Variants in EIF4G2 observed in about 807,000 individuals in gnomAD.
EIF4G2 encodes the protein eukaryotic translation initiation factor 4 gamma 2.
In EIF4G2, 8 loss-of-function variants were observed where a neutral mutation model predicts 117.7. The observed-to-expected ratio is 0.07, with a 90% CI of 0.04 to 0.12. The LOEUF is 0.12. Among genes scored for constraint, EIF4G2 ranks in the 10% least tolerant of loss-of-function variants. The pLI is 1.00. For missense variants in EIF4G2, 812 were observed against 1,086.2 expected (o/e 0.75, Z 3.55); for synonymous variants, 413 against 367.8 (o/e 1.12, Z -1.41).
In EIF4G2 at chr11:10,803,726, T is replaced by A; in HGVS notation, c.703-136A>T. On this transcript the variant is annotated intron_variant, in intron 8 of 21. Coordinates refer to ENST00000339995, the MANE Select transcript of EIF4G2 (RefSeq NM_001418.4). The surrounding 1 kb of genome is among the most constrained non-coding windows in gnomAD (Gnocchi z 4.0). Reference sequence around the variant, plus strand: ...AGTATAGGGCTTTCTACCAGTCTGGTTGATCAGTTCTAACTCTACTTTGTC... The same window carrying A: ...AGTATAGGGCTTTCTACCAGTCTGGATGATCAGTTCTAACTCTACTTTGTC... 7.1e-6 allele frequency: 8 copies of A among 1,122,704 alleles called. No individual in the cohort carries two copies. Among genetic ancestry groups the A allele is most frequent in the Non-Finnish European group, 1.0e-5 (8 of 780,996 alleles). The allele number at this position is 1,122,704 out of a possible 1,614,324, so 69.5% of individuals were successfully genotyped here.
At position 10,799,391 on chromosome 11, in the gene EIF4G2, G is replaced by A. The variant is rs1847355769; in HGVS notation, c.2358C>T (p.Pro786=). Reference sequence around the variant, plus strand: ...AGGATGAATCTGTTTCATCGCTGGGGGGGTTTACTTCACTAGAAATGTACT... The same window carrying A: ...AGGATGAATCTGTTTCATCGCTGGGAGGGTTTACTTCACTAGAAATGTACT... The change falls in exon 20 of 22, where the codon CCC becomes CCT. Residue 786 remains proline, a synonymous_variant. Coordinates refer to ENST00000339995, the MANE Select transcript of EIF4G2 (RefSeq NM_001418.4). 6.2e-7 allele frequency: 1 copy of A among 1,611,958 alleles called. No individual in the cohort carries two copies. The highest frequency in any genetic ancestry group is 1.1e-5 in the South Asian group (1 of 91,084).
chr11:10,802,253 G>T (rs1336128901), intron 12 of EIF4G2, 41 bp downstream of exon 12: 4 of 1,611,308 alleles, frequency 2.5e-6, no homozygotes, highest in Non-Finnish European at 3.4e-6. Context: ...AAAGTTAACT[G>T]ATTTTTCAGC....
intron 3 of EIF4G2, 100 bp from the exon 4 acceptor site, chr11:10,806,147 C>G (rs1238228746): frequency 6.6e-7 from 1 of 1,515,608 alleles, no homozygotes; most frequent in Non-Finnish European, 8.9e-7. Context: ...GCTTTCTCGA[C>G]TTCCCCTCCA....
Position 10,801,472 on chromosome 11 carries a change from C to G in EIF4G2, c.1413+189G>C, listed in dbSNP as rs755815140. 5.3e-6 allele frequency: 4 copies of G among 748,070 alleles called. No homozygotes were observed. The Admixed American group carries it at 7.6e-5, about 14-fold the overall frequency. The allele number at this position is 748,070 out of a possible 1,614,324, so 46.3% of individuals were successfully genotyped here. A position where few individuals can be genotyped will look rare whatever the true frequency, so the allele number is the denominator to read the frequency against. On this transcript the variant is annotated intron_variant, in intron 14 of 21. Coordinates refer to ENST00000339995, the MANE Select transcript of EIF4G2 (RefSeq NM_001418.4). ...TCTAACAGACTTTAGGAGACTTGCC[C>G]TCATATCTCATAATCTTCGCTCACA... is the stretch of plus-strand genomic sequence containing the variant.
intron 5 of EIF4G2, 177 bp from the exon 6 acceptor site, chr11:10,804,595 A>G: frequency 1.3e-6 from 1 of 769,008 alleles, no homozygotes; most frequent in Non-Finnish European, 2.0e-6. Context: ...TGGATATCAA[A>G]ACTTTCAAGT....
chr11:10,806,497 A>C (rs954397011), intron 3 of EIF4G2: 1 of 342,492 alleles, frequency 2.9e-6, no homozygotes, highest in African/African-American at 2.1e-5. Flanking sequence ...AACACTTTCT[A>C]ATGTTTTATT....
In EIF4G2 at chr11:10,797,942, A is replaced by C; in HGVS notation, c.2659-61T>G. The C allele has an allele frequency of 6.6e-7, 1 of 1,507,236 alleles. No individual in the cohort carries two copies. The highest frequency in any genetic ancestry group is 9.2e-7 in the Non-Finnish European group (1 of 1,089,370). The allele number at this position is 1,507,236 out of a possible 1,614,324, so 93.4% of individuals were successfully genotyped here. A position where few individuals can be genotyped will look rare whatever the true frequency, so the allele number is the denominator to read the frequency against. ...GATATAAACAGAAATCCATCCAAAA[A>C]GTTTTAGGTGGTACTACACAGTTTT... On this transcript the variant is annotated intron_variant, in intron 21 of 21. Coordinates refer to ENST00000339995, the MANE Select transcript of EIF4G2 (RefSeq NM_001418.4). The surrounding 1 kb of genome is among the most constrained non-coding windows in gnomAD (Gnocchi z 4.5).
rs1847440670 is a variant in EIF4G2, at chr11:10,802,141, A to C, written c.1207T>G (p.Ser403Ala). The change falls in exon 13 of 22, where the codon TCA becomes GCA. Residue 403 changes from serine to alanine, a missense_variant. Around this residue, in one of 4 missense-constraint regions of EIF4G2, gnomAD observed 571 missense variants for 642.3 expected, o/e 0.89. Coordinates refer to ENST00000339995, the MANE Select transcript of EIF4G2 (RefSeq NM_001418.4). ...CCATGGCCATTGAAGAGTTGATTTG[A>C]ACGATGACGTCCCATGGTGGGTGAA... 7 of 1,524,130 alleles carry C rather than the reference A, an allele frequency of 4.6e-6. No homozygotes were observed. In the East Asian group the frequency reaches 1.7e-4, roughly 37 times the overall value. 94.4% of individuals were successfully genotyped at this position (1,524,130 alleles called of 1,614,324 possible).
In EIF4G2 at chr11:10,800,542, T is replaced by C; in HGVS notation, c.1750A>G (p.Lys584Glu). 1 of 1,614,204 alleles carries C rather than the reference T, an allele frequency of 6.2e-7. No individual in the cohort carries two copies. Among genetic ancestry groups the C allele is most frequent in the Non-Finnish European group, 8.5e-7 (1 of 1,180,030 alleles). Residue 584 changes from lysine to glutamate, a missense_variant, in exon 17 of 22, where the codon AAA (lysine) becomes GAA (glutamate). Lys to Glu is a moderately conservative substitution (Grantham distance 56). Coordinates refer to ENST00000339995, the MANE Select transcript of EIF4G2 (RefSeq NM_001418.4). ...CTATCTAGTGACAGGATGATTACTT[T>C]GCTTAACATCTCAGGAAGAAAGTGT...
intron 14 of EIF4G2, 147 bp from the exon 15 acceptor site, chr11:10,801,234 G>C: frequency 1.6e-6 from 2 of 1,234,766 alleles, no homozygotes; most frequent in South Asian, 3.2e-5. Flanking sequence ...CACATTAACA[G>C]GTTTAATTTT....
Position 10,799,314 on chromosome 11 carries a change from A to G in EIF4G2, c.2435T>C (p.Phe812Ser). 1 of 1,614,088 alleles carries G rather than the reference A, an allele frequency of 6.2e-7. No homozygotes were observed. The change falls in exon 20 of 22, where the codon TTC (phenylalanine) becomes TCC (serine). Residue 812 changes from phenylalanine (F) to serine (S), a missense_variant. Physicochemically the swap from Phe to Ser is radical, Grantham distance 155. Coordinates refer to ENST00000339995, the MANE Select transcript of EIF4G2 (RefSeq NM_001418.4). ...AAGAAATTTCTGCATTACTGGCTTGAAAGATAGTAGTAGTTGTTTTTCCTG... is the reference window on the plus strand; with the variant it reads ...AAGAAATTTCTGCATTACTGGCTTGGAAGATAGTAGTAGTTGTTTTTCCTG...
In EIF4G2 at chr11:10,803,235, T is replaced by G; in HGVS notation, c.873A>C (p.Pro291=). 1 of 1,614,102 alleles carries G rather than the reference T, an allele frequency of 6.2e-7. No homozygotes were observed. Among genetic ancestry groups the G allele is most frequent in the Non-Finnish European group, 8.5e-7 (1 of 1,180,002 alleles). Residue 291 remains proline (P), a synonymous_variant, in exon 10 of 22, where the codon CCA becomes CCC. Coordinates refer to ENST00000339995, the MANE Select transcript of EIF4G2 (RefSeq NM_001418.4). The surrounding 1 kb of genome is among the most constrained non-coding windows in gnomAD (Gnocchi z 4.0). ...CCTGCAGCAGGAAACGAATCCTTGC[T>G]GGCAATTCCTTACTTAACATCAAGG... is the stretch of plus-strand genomic sequence containing the variant.
chr11:10,806,047 G>C lies in EIF4G2; in HGVS notation c.108C>G (p.Ser36Arg), dbSNP rs1179661436. Residue 36 changes from serine to arginine, a missense_variant and splice_region_variant, in exon 4 of 22, where the codon AGC becomes AGG. By Grantham distance (110) the Ser-to-Arg change is moderately radical. Coordinates refer to ENST00000339995, the MANE Select transcript of EIF4G2 (RefSeq NM_001418.4). ...GCCCTGGGGTTTTCCCCAGGAACTC[G>C]CTGATTAATAAAAATCAGCAAAAAC... is the stretch of plus-strand genomic sequence containing the variant. 2 of 1,614,048 alleles carry C rather than the reference G, an allele frequency of 1.2e-6. No individual in the cohort carries two copies. The highest frequency in any genetic ancestry group is 1.7e-6 in the Non-Finnish European group (2 of 1,180,028).
chr11:10,801,550 G>T, intron 14 of EIF4G2, 111 bp downstream of exon 14: 5 of 982,952 alleles, frequency 5.1e-6, no homozygotes, highest in Non-Finnish European at 8.2e-6. Context: ...AGAGAAAAAC[G>T]TCAAGAACTC....
rs1461668253 is a variant in EIF4G2, at chr11:10,797,148, A to AAT, written c.*666_*667dup. The AAT allele has an allele frequency of 1.3e-5, 2 of 152,680 alleles. No individual in the cohort carries two copies. The highest frequency in any genetic ancestry group is 2.9e-5 in the Non-Finnish European group (2 of 68,080). 9.5% of individuals were successfully genotyped at this position (152,680 alleles called of 1,614,324 possible). A position where few individuals can be genotyped will look rare whatever the true frequency, so the allele number is the denominator to read the frequency against. ...TAAGTAGACTTAATTTCAATACTATAATAGGAGGGACCAATTCAAATTCTC... is the reference window on the plus strand; with the variant it reads ...TAAGTAGACTTAATTTCAATACTATAATATAGGAGGGACCAATTCAAATTCTC... On this transcript the variant is annotated 3_prime_UTR_variant, in exon 22 of 22. Transcript: ENST00000339995. The surrounding 1 kb of genome is among the most constrained non-coding windows in gnomAD (Gnocchi z 4.5).
At position 10,799,229 on chromosome 11, in the gene EIF4G2, G is replaced by T. The variant is rs1172616532; in HGVS notation, c.2520C>A (p.Asn840Lys). 6.2e-7 allele frequency: 1 copy of T among 1,614,112 alleles called. No homozygotes were observed. The highest frequency in any genetic ancestry group is 8.5e-7 in the Non-Finnish European group (1 of 1,180,022). ...TCCTCTCACCTTTTGGGAAGTTGCT[G>T]TTATAGCAGTGCACCTGGAGAGCAT... Residue 840 changes from asparagine to lysine, a missense_variant, in exon 20 of 22, where the codon AAC becomes AAA. Asn to Lys is a moderately conservative substitution (Grantham distance 94). This residue lies in a region of EIF4G2 where 571 missense variants were observed against 642.3 expected (regional missense o/e 0.89). Coordinates refer to ENST00000339995, the MANE Select transcript of EIF4G2 (RefSeq NM_001418.4).
chr11:10,800,934 G>A (rs1770947258), intron 15 of EIF4G2, 28 bp downstream of exon 15: 3 of 1,612,790 alleles, frequency 1.9e-6, no homozygotes, highest in Non-Finnish European at 2.5e-6. Flanking sequence ...GATATCTTTA[G>A]AAAATGCTGT....
chr11:10,804,027 G>A lies in EIF4G2; in HGVS notation c.574C>T (p.Leu192Phe). 1 of 1,613,984 alleles carries A rather than the reference G, an allele frequency of 6.2e-7. No individual in the cohort carries two copies. Among genetic ancestry groups the A allele is most frequent in the Non-Finnish European group, 8.5e-7 (1 of 1,179,974 alleles). ...CTCTGTTCCTCCTCCTCGGGGAGGA[G>A]GGGATTTTCACGCTTATCATAGACT... The change falls in exon 8 of 22, where the codon CTC becomes TTC. Residue 192 changes from leucine (L) to phenylalanine (F), a missense_variant. Leu to Phe is a conservative substitution (Grantham distance 22, BLOSUM62 0). Transcript: ENST00000339995.
chr11:10,804,019 G>C lies in EIF4G2; in HGVS notation c.582C>G (p.Pro194=), dbSNP rs542126224. 1.2e-6 allele frequency: 2 copies of C among 1,613,806 alleles called. No individual in the cohort carries two copies. Among genetic ancestry groups the C allele is most frequent in the African/African-American group, 1.3e-5 (1 of 74,876 alleles). Reference sequence around the variant, plus strand: ...CAATGGCTCTCTGTTCCTCCTCCTCGGGGAGGAGGGGATTTTCACGCTTAT... The same window carrying C: ...CAATGGCTCTCTGTTCCTCCTCCTCCGGGAGGAGGGGATTTTCACGCTTAT... The change falls in exon 8 of 22, where the codon CCC becomes CCG. Residue 194 remains proline (P), a synonymous_variant. Coordinates refer to ENST00000339995, the MANE Select transcript of EIF4G2 (RefSeq NM_001418.4).
Sources: allele counts gnomAD v4.1 joint callset, GRCh38; gene constraint gnomAD v4.1.1; regional missense constraint gnomAD v4.1.1; non-coding constraint Gnocchi (gnomAD v3.1); transcripts MANE v1.5; gene names NCBI Gene and HGNC (gene_info 2026-07-23, HGNC 2026-07-21).